Variants in NOL4 observed in about 807,000 individuals in gnomAD.
NOL4 encodes the protein cancer/testis antigen 125.
Under a neutral mutation model 75.9 loss-of-function variants are expected in NOL4, and 17 were observed. That is an observed-to-expected ratio of 0.22 (90% CI 0.15 to 0.34). NOL4 has a LOEUF of 0.34. Among genes scored for constraint, NOL4 ranks in the 10% least tolerant of loss-of-function variants. The pLI is 1.00. For synonymous variants in NOL4, 292 were observed against 289.9 expected (o/e 1.01, Z -0.07); for missense variants, 614 against 793.5 (o/e 0.77, Z 2.72).
At chr18:34,162,240 A>C (rs1306060425) in intron 1 of NOL4, among the ~76,000 whole-genome samples, 1 of 152,200 alleles carries the variant, frequency 6.6e-6, no homozygotes, top group Non-Finnish European at 1.5e-5. Flanking sequence ...CTAAAATCAG[A>C]GCAGAACTGA....
chr18:34,046,306 C>T (rs889147147), intron 5 of NOL4, among the ~76,000 whole-genome samples: 11 of 151,872 alleles, frequency 7.2e-5, no homozygotes, highest in Non-Finnish European at 1.5e-4. Context: ...GAGAATCTGA[C>T]GATGGAGGAT....
chr18:33,907,184 G>A (rs975812262), intron 9 of NOL4, among the ~76,000 whole-genome samples: 2 of 151,872 alleles, frequency 1.3e-5, no homozygotes, highest in African/African-American at 4.8e-5. Context: ...TTAGCTAGAC[G>A]TGGTGGTTGG....
chr18:34,088,783 C>T (rs999437058), intron 5 of NOL4, among the ~76,000 whole-genome samples: 20 of 151,896 alleles, frequency 1.3e-4, no homozygotes, highest in African/African-American at 2.4e-4. Context: ...ACTTTTTATG[C>T]GAAGATTCAG....
intron 2 of NOL4, among the ~76,000 whole-genome samples, chr18:34,124,624 G>C (rs2080298878): frequency 6.6e-6 from 1 of 152,066 alleles, no homozygotes; most frequent in African/African-American, 2.4e-5. Flanking sequence ...AAGAATCAAG[G>C]CTTGATGCGA....
intron 9 of NOL4, among the ~76,000 whole-genome samples, chr18:33,890,192 C>A (rs1017918444): frequency 5.9e-5 from 9 of 152,162 alleles, no homozygotes; most frequent in African/African-American, 2.2e-4. Context: ...AGCAAAGTCT[C>A]AGATACAAAA....
chr18:34,042,607 C>A (rs759949978), intron 5 of NOL4, among the ~76,000 whole-genome samples: 1 of 152,140 alleles, frequency 6.6e-6, no homozygotes, highest in East Asian at 1.9e-4. Context: ...GTAATTGAAA[C>A]TGAAATTGGT....
intron 1 of NOL4, among the ~76,000 whole-genome samples, chr18:34,220,713 C>T (rs896335706): frequency 1.3e-5 from 2 of 151,958 alleles, no homozygotes; most frequent in East Asian, 1.9e-4. Flanking sequence ...GAGCAATAGA[C>T]GAGTTCATAA....
intron 1 of NOL4, among the ~76,000 whole-genome samples, chr18:34,150,902 T>C (rs554588969): frequency 5.9e-5 from 9 of 151,574 alleles, no homozygotes; most frequent in East Asian, 1.9e-4. Context: ...AATTCAACAA[T>C]AGGAAAACAA....
intron 5 of NOL4, among the ~76,000 whole-genome samples, chr18:34,054,177 A>G (rs2076737799): frequency 6.6e-6 from 1 of 151,974 alleles, no homozygotes; most frequent in African/African-American, 2.4e-5. Flanking sequence ...ACTTGAGAAG[A>G]ATGACTGGAG....
chr18:33,961,692 C>T (rs1010603745), intron 6 of NOL4, among the ~76,000 whole-genome samples: 3 of 151,858 alleles, frequency 2.0e-5, no homozygotes, highest in Non-Finnish European at 4.4e-5. Context: ...ATGAGATAAC[C>T]TCCGACACTG....
intron 9 of NOL4, among the ~76,000 whole-genome samples, chr18:33,892,997 A>G (rs750691756): frequency 4.6e-5 from 7 of 152,064 alleles, no homozygotes; most frequent in Admixed American, 6.6e-5. Flanking sequence ...TTCATTAGAC[A>G]TATTTCAAAT....
chr18:33,887,081 T>G (rs899043600), intron 9 of NOL4, among the ~76,000 whole-genome samples: 2 of 141,130 alleles, frequency 1.4e-5, no homozygotes, highest in African/African-American at 2.6e-5. Flanking sequence ...TATATATCTA[T>G]ATATATTAGA....
chr18:33,943,911 A>G (rs1310685843), intron 8 of NOL4, among the ~76,000 whole-genome samples: 1 of 151,876 alleles, frequency 6.6e-6, no homozygotes, highest in Non-Finnish European at 1.5e-5. Context: ...TTAACTGTAA[A>G]TTGTTTGCAG....
At chr18:34,133,685 G>A (rs1288294171) in intron 1 of NOL4, among the ~76,000 whole-genome samples, 1 of 151,798 alleles carries the variant, frequency 6.6e-6, no homozygotes, top group Non-Finnish European at 1.5e-5. Flanking sequence ...ATACCTTATG[G>A]TGATGCAGAT....
At chr18:33,895,266 G>C (rs2065330781) in intron 9 of NOL4, among the ~76,000 whole-genome samples, 1 of 151,918 alleles carries the variant, frequency 6.6e-6, no homozygotes, top group African/African-American at 2.4e-5. Flanking sequence ...GAAGTAACTA[G>C]ATGCAATGCA....
intron 6 of NOL4, among the ~76,000 whole-genome samples, chr18:33,994,884 C>T (rs2073163611): frequency 1.3e-5 from 2 of 151,148 alleles, no homozygotes; most frequent in Admixed American, 6.6e-5. Flanking sequence ...AACAAAAAGA[C>T]AAAACTTTAG....
intron 1 of NOL4, among the ~76,000 whole-genome samples, chr18:34,194,187 T>TTCTTGAA (rs748979329): frequency 6.6e-6 from 1 of 152,116 alleles, no homozygotes; most frequent in Non-Finnish European, 1.5e-5. Flanking sequence ...ATGTATTATA[T>TTCTTGAA]TCTTGAAAAT....
intron 1 of NOL4, chr18:34,222,381 A>G: frequency 8.5e-7 from 1 of 1,172,038 alleles, no homozygotes. Context: ...GACCTTATCT[A>G]CAATCTCAAC....
Position 34,181,944 on chromosome 18 carries a change from T to A in NOL4, c.264+41046A>T, listed in dbSNP as rs78245074. 6.5e-3 allele frequency among the ~76,000 whole-genome samples: 992 copies of A among 151,650 alleles called. 18 individuals carry two copies. The highest frequency in any genetic ancestry group is 0.023 in the African/African-American group (946 of 41,502). ...GTTAGGATGTGGAGAAATGGGAACC[T>A]CATAACGTTGCTCTGGGGATCTAAA... On this transcript the variant is annotated intron_variant, in intron 1 of 10. Coordinates refer to ENST00000261592, the MANE Select transcript of NOL4 (RefSeq NM_003787.5).
Sources: gnomAD v4.1 joint callset for allele counts (sites outside exome capture counted in the v4.1 genomes callset) on GRCh38, gnomAD v4.1.1 for gene constraint, MANE v1.5 for transcripts, NCBI Gene and HGNC (gene_info 2026-07-23, HGNC 2026-07-21) for gene names.